The following TNIK variants were observed in gnomAD, a reference collection of about 807,000 sequenced individuals.
TNIK encodes the protein TRAF2 and NCK-interacting protein kinase.
In TNIK, 49 loss-of-function variants were observed where a neutral mutation model predicts 191.3. That is an observed-to-expected ratio of 0.26 (90% CI 0.20 to 0.32). The LOEUF is 0.32. Among genes scored for constraint, TNIK ranks in the 10% least tolerant of loss-of-function variants. The pLI is 1.00. For missense variants in TNIK, 1,155 were observed against 1,702.3 expected (o/e 0.68, Z 5.66); for synonymous variants, 594 against 600.9 (o/e 0.99, Z 0.17).
chr3:171,334,677 A>T (rs1456941631), intron 2 of TNIK, among the ~76,000 whole-genome samples: 2 of 152,166 alleles, frequency 1.3e-5, no homozygotes, highest in East Asian at 1.9e-4. Flanking sequence ...GGGAGAAAAA[A>T]GACTCATGAA....
At chr3:171,282,341 GTTTT>G (rs869305605) in intron 2 of TNIK, among the ~76,000 whole-genome samples, 4 of 79,964 alleles carry the variant, frequency 5.0e-5, no homozygotes, top group Non-Finnish European at 5.3e-5. Context: ...ATGGTTTTTT[GTTTT>G]TTTTTTTTTT....
chr3:171,322,546 C>T (rs867775529), intron 2 of TNIK, among the ~76,000 whole-genome samples: 2 of 152,100 alleles, frequency 1.3e-5, no homozygotes, highest in African/African-American at 4.8e-5. Context: ...TGGGACCATA[C>T]TGTATTTTCT....
Position 171,244,357 on chromosome 3 carries a change from G to A in TNIK, c.124-16136C>T, listed in dbSNP as rs149612242. ...TGGGATTACAGGCGTGAGCCACTGC[G>A]CCCGGCCAGAAATAAAATTTTAACT... is the stretch of plus-strand genomic sequence containing the variant. On this transcript the variant is annotated intron_variant, in intron 2 of 32. Coordinates refer to ENST00000436636, the MANE Select transcript of TNIK (RefSeq NM_015028.4). Among the ~76,000 whole-genome samples the A allele has an allele frequency of 8.5e-4, 129 of 152,220 alleles. 2 individuals carry two copies. The highest frequency in any genetic ancestry group is 2.8e-3 in the African/African-American group (116 of 41,544).
At chr3:171,210,455 C>T (rs1740661027) in intron 4 of TNIK, among the ~76,000 whole-genome samples, 1 of 152,232 alleles carries the variant, frequency 6.6e-6, no homozygotes, top group African/African-American at 2.4e-5. Flanking sequence ...CCAATTAGAG[C>T]TGCCTCTTAG....
chr3:171,292,910 C>A lies in TNIK; in HGVS notation c.124-64689G>T, dbSNP rs148150859. Reference sequence around the variant, plus strand: ...CGCCAATGGCCACAGGCTCCCTAGACTCTTTCTTCTTGCCACTCAGACAAG... The same window carrying A: ...CGCCAATGGCCACAGGCTCCCTAGAATCTTTCTTCTTGCCACTCAGACAAG... On this transcript the variant is annotated intron_variant, in intron 2 of 32. Coordinates refer to ENST00000436636, the MANE Select transcript of TNIK (RefSeq NM_015028.4). Among the ~76,000 whole-genome samples, 273 of 152,166 alleles carry A rather than the reference C, an allele frequency of 1.8e-3. 3 individuals carry two copies. The highest frequency in any genetic ancestry group is 6.2e-3 in the African/African-American group (256 of 41,514).
chr3:171,154,683 T>C (rs1732937557), intron 12 of TNIK, among the ~76,000 whole-genome samples: 1 of 152,262 alleles, frequency 6.6e-6, no homozygotes, highest in Non-Finnish European at 1.5e-5. Flanking sequence ...GTATTTTGTT[T>C]ATGCCAAGTA....
chr3:171,296,621 G>A (rs150598718), intron 2 of TNIK, among the ~76,000 whole-genome samples: 2 of 152,292 alleles, frequency 1.3e-5, no homozygotes, highest in East Asian at 3.9e-4. Context: ...GGATGTTTAG[G>A]ACTTGCTTTA....
chr3:171,099,928 A>AT (rs1723226905), intron 22 of TNIK, among the ~76,000 whole-genome samples: 1 of 152,202 alleles, frequency 6.6e-6, no homozygotes, highest in Non-Finnish European at 1.5e-5. Flanking sequence ...CCAAATGTTT[A>AT]TATTAGCCTG....
intron 2 of TNIK, among the ~76,000 whole-genome samples, chr3:171,260,098 C>T (rs970761153): frequency 4.6e-5 from 7 of 152,114 alleles, no homozygotes; most frequent in Non-Finnish European, 1.0e-4. Flanking sequence ...TTATGTTCCT[C>T]ATCCTCCACC....
At chr3:171,385,812 T>C (rs1215599681) in intron 1 of TNIK, among the ~76,000 whole-genome samples, 3 of 152,234 alleles carry the variant, frequency 2.0e-5, no homozygotes, top group Non-Finnish European at 4.4e-5. Flanking sequence ...AAATTATTTC[T>C]AGAAATCAGG....
chr3:171,091,688 T>C (rs1171858313), intron 23 of TNIK, among the ~76,000 whole-genome samples: 2 of 151,666 alleles, frequency 1.3e-5, no homozygotes, highest in Non-Finnish European at 2.9e-5. Flanking sequence ...TGAGCCGAGA[T>C]TGCACCACTG....
intron 18 of TNIK, among the ~76,000 whole-genome samples, chr3:171,113,510 G>A (rs1404489779): frequency 6.6e-6 from 1 of 151,926 alleles, no homozygotes; most frequent in African/African-American, 2.4e-5. Flanking sequence ...AGAGGCTGAG[G>A]CAGGAGAATG....
At chr3:171,097,017 C>T (rs1722818782) in intron 22 of TNIK, among the ~76,000 whole-genome samples, 2 of 151,920 alleles carry the variant, frequency 1.3e-5, no homozygotes, top group African/African-American at 4.8e-5. Flanking sequence ...CTAGGATGTG[C>T]CAAAATAATT....
At chr3:171,177,416 G>A in intron 7 of TNIK, 36 bp from the exon 8 acceptor site, 1 of 1,586,650 alleles carries the variant, frequency 6.3e-7, no homozygotes, top group Non-Finnish European at 8.6e-7. Flanking sequence ...CATAAATTCA[G>A]TCAACAAAGG....
At chr3:171,336,062 C>A (rs996461494) in intron 2 of TNIK, among the ~76,000 whole-genome samples, 2 of 151,958 alleles carry the variant, frequency 1.3e-5, no homozygotes, top group Non-Finnish European at 2.9e-5. Flanking sequence ...CCTTTACAGG[C>A]CAATCAGATA....
intron 4 of TNIK, among the ~76,000 whole-genome samples, chr3:171,209,308 T>C (rs140174368): frequency 1.8e-3 from 273 of 152,308 alleles, no homozygotes; most frequent in African/African-American, 5.1e-3. Flanking sequence ...TTTTTGGTTG[T>C]AACCATTTCC....
chr3:171,151,621 G>A (rs1732443287), intron 12 of TNIK, among the ~76,000 whole-genome samples: 1 of 152,152 alleles, frequency 6.6e-6, no homozygotes, highest in Non-Finnish European at 1.5e-5. Context: ...GAAAGTTAAA[G>A]AACTTACTCA....
At chr3:171,243,132 A>G (rs1745177075) in intron 2 of TNIK, among the ~76,000 whole-genome samples, 1 of 152,230 alleles carries the variant, frequency 6.6e-6, no homozygotes, top group South Asian at 2.1e-4. Context: ...TTTCCCTTCC[A>G]GAACTGAAAT....
chr3:171,163,670 G>A (rs1328282863), intron 10 of TNIK, among the ~76,000 whole-genome samples: 1 of 152,104 alleles, frequency 6.6e-6, no homozygotes, highest in Non-Finnish European at 1.5e-5. Flanking sequence ...TGAATAAACA[G>A]ATTTCAAAGT....
Sources: allele counts gnomAD v4.1 joint callset (sites outside exome capture counted in the v4.1 genomes callset), GRCh38; gene constraint gnomAD v4.1.1; transcripts MANE v1.5; gene names NCBI Gene and HGNC (gene_info 2026-07-23, HGNC 2026-07-21).